Variants in RPN2 observed in about 807,000 individuals in gnomAD.
RPN2 encodes dolichyl-diphosphooligosaccharide--protein glycosyltransferase subunit 2.
RPN2 carries 29 observed loss-of-function variants against 71.4 expected under a neutral mutation model. The ratio of observed to expected loss-of-function variants is 0.41; its 90% CI spans 0.30 to 0.55. The LOEUF (loss-of-function observed/expected upper bound fraction) is 0.55. Ranked by LOEUF, RPN2 falls within the 20% of genes least tolerant of loss-of-function variation. RPN2 has a pLI of 0.35. For synonymous variants in RPN2, 308 were observed against 305.0 expected, an observed-to-expected ratio of 1.01 and a Z score of -0.10; for missense variants, 726 against 774.1, an observed-to-expected ratio of 0.94 and a Z score of 0.74.
chr20:37,240,940 C>T (rs1170012114), intron 16 of RPN2, among the ~76,000 whole-genome samples: 3 of 152,206 alleles, frequency 2.0e-5, no homozygotes, highest in Non-Finnish European at 4.4e-5. Flanking sequence ...ATTATTTAAA[C>T]TTTGCTCTTT....
At chr20:37,201,944 T>A (rs1282251008) in intron 4 of RPN2, among the ~76,000 whole-genome samples, 1 of 152,232 alleles carries the variant, frequency 6.6e-6, no homozygotes, top group African/African-American at 2.4e-5. Context: ...CTCTGAATCA[T>A]CTGCTATATA....
At chr20:37,181,240 A>AT (rs1491146596) in intron 1 of RPN2, among the ~76,000 whole-genome samples, 2 of 151,366 alleles carry the variant, frequency 1.3e-5, no homozygotes, top group East Asian at 3.9e-4. Context: ...AAAAAAAAAA[A>AT]GAACTTTCCA....
chr20:37,220,313 C>T (rs1450831554), intron 9 of RPN2, among the ~76,000 whole-genome samples: 1 of 152,060 alleles, frequency 6.6e-6, no homozygotes, highest in Non-Finnish European at 1.5e-5. Context: ...TCATTGGGTC[C>T]TGTTTGTCCT....
At chr20:37,235,247 A>G (rs553349578) in intron 15 of RPN2, among the ~76,000 whole-genome samples, 82 of 152,312 alleles carry the variant, frequency 5.4e-4, no homozygotes, top group African/African-American at 1.9e-3. Context: ...TCTCTGGCTC[A>G]GTTCCTGGAT....
intron 6 of RPN2, among the ~76,000 whole-genome samples, chr20:37,206,440 T>G (rs2067510715): frequency 6.6e-6 from 1 of 152,184 alleles, no homozygotes; most frequent in African/African-American, 2.4e-5. Context: ...AGACAAACAG[T>G]CCTACATTTG....
intron 1 of RPN2, 123 bp from the exon 2 acceptor site, chr20:37,184,057 C>G (rs1237618810): frequency 5.9e-6 from 7 of 1,178,086 alleles, no homozygotes; most frequent in Non-Finnish European, 8.8e-6. Context: ...AGGTTAAACC[C>G]CTGGATTCCC....
intron 2 of RPN2, among the ~76,000 whole-genome samples, chr20:37,189,311 CTGTGTGTGTGTATGTGTGTGTGTG>C (rs920741547): frequency 4.3e-5 from 5 of 115,292 alleles, no homozygotes; most frequent in Admixed American, 1.0e-4. Flanking sequence ...ATGGGCCAAA[CTGTGTGTGTGTATGTGTGTGTGTG>C]TGTGTGTGTG....
intron 2 of RPN2, among the ~76,000 whole-genome samples, chr20:37,188,171 T>C (rs534334494): frequency 5.3e-5 from 8 of 152,296 alleles, no homozygotes; most frequent in Non-Finnish European, 1.0e-4. Flanking sequence ...ACTTTTTGTT[T>C]GTTTGTTTTT....
chr20:37,238,845 A>T lies in RPN2; in HGVS notation c.1883+2136A>T, dbSNP rs1200533873. 14 of 525,900 alleles carry T rather than the reference A, an allele frequency of 2.7e-5. No homozygotes were observed. In the East Asian group the frequency reaches 7.4e-4, roughly 28 times the overall value. 32.6% of individuals were successfully genotyped at this position (525,900 alleles called of 1,614,324 possible). A position where few individuals can be genotyped will look rare whatever the true frequency, so the allele number is the denominator to read the frequency against. ...ACGGTCCCATGGCAAATCCTGGCAC[A>T]CCTTGTCACTGTTTCTAGACTTTTC... On this transcript the variant is annotated intron_variant, in intron 16 of 16. Transcript: ENST00000237530.
intron 2 of RPN2, among the ~76,000 whole-genome samples, chr20:37,185,782 C>G (rs763342948): frequency 1.3e-5 from 2 of 152,156 alleles, no homozygotes; most frequent in Admixed American, 6.5e-5. Context: ...TGCATCCCAC[C>G]GCACCCCGCT....
At chr20:37,210,773 C>G (rs1327236817) in intron 8 of RPN2, among the ~76,000 whole-genome samples, 1 of 152,098 alleles carries the variant, frequency 6.6e-6, no homozygotes, top group Non-Finnish European at 1.5e-5. Flanking sequence ...CTCAGGTGGT[C>G]CACCTGCCTC....
At chr20:37,228,038 G>C (rs1005702586) in intron 11 of RPN2, among the ~76,000 whole-genome samples, 1 of 152,154 alleles carries the variant, frequency 6.6e-6, no homozygotes, top group African/African-American at 2.4e-5. Context: ...CTTCCAAGCC[G>C]AGGCTCTCTC....
intron 9 of RPN2, among the ~76,000 whole-genome samples, chr20:37,223,478 G>T (rs1159982851): frequency 6.6e-6 from 1 of 152,180 alleles, no homozygotes; most frequent in African/African-American, 2.4e-5. Flanking sequence ...TACAAAGCCA[G>T]TGCCTTTCAC....
rs752827679 is a variant in RPN2, at chr20:37,213,830, G to A, written c.1057G>A (p.Glu353Lys). Residue 353 changes from glutamate (E) to lysine (K), a missense_variant, in exon 9 of 17, where the codon GAA (glutamate) becomes AAA (lysine). Transcript: ENST00000237530. ...SGYYDFLVEV[E>K]GDNRYIANTV... The stretch of plus-strand genomic sequence containing the variant: ...TTATTATGACTTCCTTGTCGAAGTT[G>A]AAGGTGACAACCGGTATATTGCAAA... The A allele has an allele frequency of 2.9e-5, 46 of 1,613,974 alleles. No homozygotes were observed. The highest frequency in any genetic ancestry group is 1.6e-4 in the Middle Eastern group (1 of 6,082).
intron 6 of RPN2, 33 bp from the exon 7 acceptor site, chr20:37,207,240 A>T (rs563546146): frequency 6.3e-7 from 1 of 1,583,230 alleles, no homozygotes; most frequent in South Asian, 1.1e-5. Context: ...CCAGCAGAGG[A>T]AGAGAAACAG....
Position 37,185,822 on chromosome 20 carries a change from C to T in RPN2, c.207+1449C>T, listed in dbSNP as rs6017457. On this transcript the variant is annotated intron_variant, in intron 2 of 16. Transcript: ENST00000237530. ...GCTGATAATCCTGCAGGTCAGAAGTCTAGACAGGCTTGCCTGGGCCCTCTG... is the reference window on the plus strand; with the variant it reads ...GCTGATAATCCTGCAGGTCAGAAGTTTAGACAGGCTTGCCTGGGCCCTCTG... Among the ~76,000 whole-genome samples, 745 of 152,332 alleles carry T rather than the reference C, an allele frequency of 4.9e-3. 8 individuals carry two copies. Among genetic ancestry groups the T allele is most frequent in the African/African-American group, 0.017 (707 of 41,560 alleles).
At chr20:37,206,931 G>C (rs986590485) in intron 6 of RPN2, among the ~76,000 whole-genome samples, 6 of 151,958 alleles carry the variant, frequency 3.9e-5, no homozygotes, top group African/African-American at 1.5e-4. Context: ...GGCTGGTCTC[G>C]AACTCCTGAC....
intron 1 of RPN2, among the ~76,000 whole-genome samples, chr20:37,182,051 C>G (rs1410968651): frequency 6.6e-6 from 1 of 151,958 alleles, no homozygotes; most frequent in Non-Finnish European, 1.5e-5. Context: ...TTGATGAATA[C>G]ACCACGTGAT....
chr20:37,224,090 A>G (rs183930718), intron 10 of RPN2, 121 bp downstream of exon 10: 15 of 799,590 alleles, frequency 1.9e-5, no homozygotes, highest in Admixed American at 1.2e-4. Flanking sequence ...CTTACATCCT[A>G]AATTAAAGAG....
Sources: allele counts gnomAD v4.1 joint callset (sites outside exome capture counted in the v4.1 genomes callset), GRCh38; gene constraint gnomAD v4.1.1; transcripts MANE v1.5; gene names NCBI Gene and HGNC (gene_info 2026-07-23, HGNC 2026-07-21).